EHMT1: variants seen among roughly 807,000 people sequenced by gnomAD.
EHMT1 encodes the protein histone-lysine N-methyltransferase EHMT1.
In EHMT1, 15 loss-of-function variants were observed where a neutral mutation model predicts 147.2. That is an observed-to-expected ratio of 0.10 (90% CI 0.07 to 0.16). EHMT1 has a LOEUF of 0.16. EHMT1 is among the 10% of genes least tolerant of loss of function. EHMT1 has a pLI of 1.00. For synonymous variants in EHMT1, 795 were observed against 709.6 expected (o/e 1.12, Z -1.91); for missense variants, 1,587 against 1,772.4 (o/e 0.90, Z 1.88).
chr9:137,677,741 C>T (rs565327583), intron 1 of EHMT1, among the ~76,000 whole-genome samples: 68 of 152,114 alleles, frequency 4.5e-4, no homozygotes, highest in African/African-American at 1.6e-3. Context: ...CTATATAACA[C>T]AACACTGTTG....
chr9:137,678,213 G>C (rs1039795384), intron 1 of EHMT1, among the ~76,000 whole-genome samples: 6 of 152,054 alleles, frequency 3.9e-5, no homozygotes, highest in African/African-American at 1.2e-4. Flanking sequence ...TAAGATTAGG[G>C]GCCATTTTTG....
intron 18 of EHMT1, chr9:137,803,092 G>A: frequency 8.1e-7 from 1 of 1,229,788 alleles, no homozygotes; most frequent in Non-Finnish European, 1.0e-6. Flanking sequence ...CTGCATGCCT[G>A]GGCAGTTTGC....
At position 137,775,964 on chromosome 9, in the gene EHMT1, TGTGA is replaced by T. The variant is rs1396044320; in HGVS notation, c.1792-650_1792-647del. 6.6e-6 allele frequency among the ~76,000 whole-genome samples: 1 copy of T among 152,134 alleles called. No individual in the cohort carries two copies. Among genetic ancestry groups the T allele is most frequent in the Non-Finnish European group, 1.5e-5 (1 of 68,018 alleles). On this transcript the variant is annotated intron_variant, in intron 11 of 26. Transcript: ENST00000460843. This position sits in a 1 kb window ranked among gnomAD's most constrained non-coding sequence, Gnocchi z 6.1. ...GCGTCTGTCTGTGTGCGCCTGTGTG[TGTGA>T]GTGTTTGAGTGTGAGCTTCAGGCAC...
Position 137,800,875 on chromosome 9 carries a change from G to T in EHMT1, c.2608-5G>T, listed in dbSNP as rs1212813163. On this transcript the variant is annotated splice_polypyrimidine_tract_variant and splice_region_variant and intron_variant, in intron 17 of 26. Transcript: ENST00000460843. ...CGATGACAGCTTTGTCCTCTTCCCT[G>T]GCAGGATGACGGAGGCTGGACACCC... The T allele has an allele frequency of 6.2e-7, 1 of 1,613,990 alleles. No individual in the cohort carries two copies. Among genetic ancestry groups the T allele is most frequent in the Non-Finnish European group, 8.5e-7 (1 of 1,179,872 alleles).
At chr9:137,637,855 C>G (rs1844194474) in intron 1 of EHMT1, among the ~76,000 whole-genome samples, 1 of 151,986 alleles carries the variant, frequency 6.6e-6, no homozygotes, top group Non-Finnish European at 1.5e-5. Context: ...CTTATTTGTT[C>G]TAGGTGTGTA....
rs549685887 is a variant in EHMT1 at position 137,695,688 on chromosome 9, G to A, written c.22-15279G>A. ...ACCCATGTGTGGCCTCCCGGGTGGC[G>A]TGGGCCCCTCACACACAGTGGCTAG... On this transcript the variant is annotated intron_variant, in intron 1 of 26. Coordinates refer to ENST00000460843, the MANE Select transcript of EHMT1 (RefSeq NM_024757.5). Among the ~76,000 whole-genome samples, 11 of 152,308 alleles carry A rather than the reference G, an allele frequency of 7.2e-5. No individual in the cohort carries two copies. The East Asian group carries it at 1.5e-3, about 21-fold the overall frequency.
chr9:137,686,239 T>C (rs901235528), intron 1 of EHMT1, among the ~76,000 whole-genome samples: 5 of 152,226 alleles, frequency 3.3e-5, no homozygotes, highest in African/African-American at 1.2e-4. Flanking sequence ...GTTTTTTCTT[T>C]GGTTGCTTGT....
chr9:137,628,210 C>A (rs896722028), intron 1 of EHMT1, among the ~76,000 whole-genome samples: 2 of 152,144 alleles, frequency 1.3e-5, no homozygotes, highest in Non-Finnish European at 2.9e-5. Flanking sequence ...AGCTGCTCAG[C>A]TGCAACTCCT....
chr9:137,664,156 C>A (rs1254126109), intron 1 of EHMT1, among the ~76,000 whole-genome samples: 1 of 152,074 alleles, frequency 6.6e-6, no homozygotes, highest in Admixed American at 6.6e-5. Context: ...CCTGCTGCCC[C>A]AGTCTCCCAA....
intron 16 of EHMT1, among the ~76,000 whole-genome samples, chr9:137,795,441 A>G (rs1445352648): frequency 7.3e-6 from 1 of 137,868 alleles, no homozygotes; most frequent in African/African-American, 3.0e-5. Context: ...TCACACTCAC[A>G]TACACACACA....
At position 137,776,907 on chromosome 9, in the gene EHMT1, A is replaced by G. The variant is rs1463768027; in HGVS notation, c.2018+63A>G. 6.7e-7 allele frequency: 1 copy of G among 1,492,158 alleles called. No homozygotes were observed. The highest frequency in any genetic ancestry group is 9.2e-7 in the Non-Finnish European group (1 of 1,083,120). 92.4% of individuals were successfully genotyped at this position (1,492,158 alleles called of 1,614,324 possible). A position where few individuals can be genotyped will look rare whatever the true frequency, so the allele number is the denominator to read the frequency against. On this transcript the variant is annotated intron_variant, in intron 12 of 26. Transcript: ENST00000460843. The surrounding 1 kb of genome is among the most constrained non-coding windows in gnomAD (Gnocchi z 4.4). Reference sequence around the variant, plus strand: ...CCACCTGAAAAAGTTTCAGTTGTTAACTCAACGTTATTGCTTCCTGCTGTT... The same window carrying G: ...CCACCTGAAAAAGTTTCAGTTGTTAGCTCAACGTTATTGCTTCCTGCTGTT...
intron 18 of EHMT1, among the ~76,000 whole-genome samples, chr9:137,805,183 AGTC>A (rs1953841113): frequency 2.0e-5 from 3 of 150,646 alleles, no homozygotes; most frequent in Admixed American, 2.0e-4. Context: ...TCCACGTGTG[AGTC>A]GTCCACGTGT....
intron 15 of EHMT1, chr9:137,785,473 T>TGAGGGTGGGGTG (rs1564757546): frequency 6.5e-6 from 1 of 153,110 alleles, no homozygotes; most frequent in African/African-American, 2.4e-5. Flanking sequence ...GCTGAGCCCA[T>TGAGGGTGGGGTG]TCTCCATGTC....
chr9:137,760,364 C>T (rs888052151), intron 9 of EHMT1, among the ~76,000 whole-genome samples: 4 of 152,166 alleles, frequency 2.6e-5, no homozygotes, highest in East Asian at 1.9e-4. Context: ...TATCTCACAG[C>T]GTTGTGGGGT....
intron 6 of EHMT1, chr9:137,746,830 TTC>T (rs1183386011): frequency 2.6e-5 from 4 of 152,234 alleles, no homozygotes; most frequent in Non-Finnish European, 4.4e-5. Flanking sequence ...TATTTCTCGA[TTC>T]TCTCTTTCGA....
intron 17 of EHMT1, 103 bp from the exon 18 acceptor site, chr9:137,800,777 G>A: frequency 1.0e-6 from 1 of 960,070 alleles, no homozygotes; most frequent in Non-Finnish European, 1.7e-6. Context: ...TGCACGAGGG[G>A]CATGGTACCT....
chr9:137,817,322 A>T (rs1954998917), intron 23 of EHMT1, 117 bp from the exon 24 acceptor site: 4 of 1,181,882 alleles, frequency 3.4e-6, no homozygotes, highest in Non-Finnish European at 5.0e-6. Context: ...AACGCTTCGG[A>T]TACAGAACCA....
chr9:137,783,084 T>C (rs969239850), intron 15 of EHMT1, among the ~76,000 whole-genome samples: 2 of 152,236 alleles, frequency 1.3e-5, no homozygotes, highest in African/African-American at 4.8e-5. Context: ...TGAACCCCAC[T>C]GGTCTGAAGT....
intron 1 of EHMT1, among the ~76,000 whole-genome samples, chr9:137,695,319 G>C (rs1564599513): frequency 1.3e-5 from 2 of 152,200 alleles, no homozygotes; most frequent in Non-Finnish European, 2.9e-5. Context: ...AGCTTGGATT[G>C]CTGTGAGATC....
Sources: gnomAD v4.1 joint callset for allele counts (sites outside exome capture counted in the v4.1 genomes callset) on GRCh38, gnomAD v4.1.1 for gene constraint, Gnocchi (gnomAD v3.1) non-coding constraint, MANE v1.5 for transcripts, NCBI Gene and HGNC (gene_info 2026-07-23, HGNC 2026-07-21) for gene names.